The following CACNA2D3 variants were observed in gnomAD, a reference collection of about 807,000 sequenced individuals.
CACNA2D3 encodes the protein calcium voltage-gated channel auxiliary subunit alpha2delta 3, also known as voltage-dependent calcium channel subunit alpha-2/delta-3.
CACNA2D3 carries 60 observed loss-of-function variants against 160.6 expected under a neutral mutation model. That is an observed-to-expected ratio of 0.37 (90% CI 0.30 to 0.46). The LOEUF is 0.46. Among genes scored for constraint, CACNA2D3 ranks in the 20% least tolerant of loss-of-function variants. CACNA2D3 has a pLI of 1.00. For synonymous variants in CACNA2D3, 558 were observed against 492.9 expected (o/e 1.13, Z -1.75); for missense variants, 1,205 against 1,365.0 (o/e 0.88, Z 1.85).
intron 13 of CACNA2D3, among the ~76,000 whole-genome samples, chr3:54,801,979 T>C (rs113206765): frequency 2.0e-5 from 3 of 152,340 alleles, no homozygotes; most frequent in East Asian, 1.9e-4. Flanking sequence ...CTTACTGATA[T>C]GCAGCAAAAA....
intron 4 of CACNA2D3, among the ~76,000 whole-genome samples, chr3:54,499,552 A>T (rs1170748618): frequency 6.6e-6 from 1 of 152,044 alleles, no homozygotes; most frequent in Admixed American, 6.6e-5. Context: ...TCAGTGCTAT[A>T]AATTTCCTTG....
At chr3:54,791,581 T>C (rs1488748816) in intron 13 of CACNA2D3, among the ~76,000 whole-genome samples, 1 of 152,214 alleles carries the variant, frequency 6.6e-6, no homozygotes, top group African/African-American at 2.4e-5. Context: ...TTTCTGTAAA[T>C]AGTTTATGCT....
chr3:54,996,796 G>A (rs1364093632), intron 31 of CACNA2D3, among the ~76,000 whole-genome samples: 4 of 151,922 alleles, frequency 2.6e-5, no homozygotes, highest in Admixed American at 2.6e-4. Context: ...TGATAGACTA[G>A]ATAAAGAAAA....
chr3:54,179,878 A>T (rs1219918521), intron 2 of CACNA2D3, among the ~76,000 whole-genome samples: 1 of 152,174 alleles, frequency 6.6e-6, no homozygotes, highest in African/African-American at 2.4e-5. Context: ...GTCTGTTTTT[A>T]AGCCACCTAA....
At chr3:55,044,527 A>T (rs993135130) in intron 35 of CACNA2D3, among the ~76,000 whole-genome samples, 1 of 152,102 alleles carries the variant, frequency 6.6e-6, no homozygotes, top group East Asian at 1.9e-4. Flanking sequence ...TAGACAGATT[A>T]TATCGTATGT....
At chr3:54,591,049 G>A (rs1702849570) in intron 9 of CACNA2D3, among the ~76,000 whole-genome samples, 1 of 152,164 alleles carries the variant, frequency 6.6e-6, no homozygotes, top group Admixed American at 6.5e-5. Flanking sequence ...ATAATGCTGA[G>A]CTTCATTGCT....
chr3:54,736,068 T>C (rs1416271974), intron 11 of CACNA2D3, among the ~76,000 whole-genome samples: 2 of 28,980 alleles, frequency 6.9e-5, no homozygotes, highest in Non-Finnish European at 1.1e-4. Context: ...TATGTATATA[T>C]ATATACATAT....
chr3:54,492,985 A>G (rs935882839), intron 4 of CACNA2D3, among the ~76,000 whole-genome samples: 4 of 151,582 alleles, frequency 2.6e-5, no homozygotes, highest in African/African-American at 7.3e-5. Flanking sequence ...ATAATGTACA[A>G]ATGTTAAGAC....
intron 13 of CACNA2D3, among the ~76,000 whole-genome samples, chr3:54,806,613 G>A (rs1031419912): frequency 2.6e-5 from 4 of 152,108 alleles, no homozygotes; most frequent in African/African-American, 4.8e-5. Flanking sequence ...AATATCGTGA[G>A]AATGGCCATG....
intron 10 of CACNA2D3, among the ~76,000 whole-genome samples, chr3:54,633,952 C>T (rs555459094): frequency 6.6e-6 from 1 of 152,172 alleles, no homozygotes; most frequent in Admixed American, 6.5e-5. Context: ...GTACCCCGTG[C>T]GTGATTCGAG....
chr3:54,669,912 GT>G (rs1700128224), intron 11 of CACNA2D3, among the ~76,000 whole-genome samples: 1 of 152,088 alleles, frequency 6.6e-6, no homozygotes, highest in Non-Finnish European at 1.5e-5. Flanking sequence ...GCCTCCCAAA[GT>G]GCTGGGATGA....
chr3:55,056,655 A>G (rs1704368452), intron 35 of CACNA2D3, among the ~76,000 whole-genome samples: 1 of 152,186 alleles, frequency 6.6e-6, no homozygotes, highest in Non-Finnish European at 1.5e-5. Flanking sequence ...CATTTGCAAC[A>G]TCATGGATGG....
chr3:54,537,987 G>A (rs1466314910), intron 5 of CACNA2D3, among the ~76,000 whole-genome samples: 1 of 152,142 alleles, frequency 6.6e-6, no homozygotes, highest in Non-Finnish European at 1.5e-5. Flanking sequence ...CCCTGGCTGT[G>A]TGCTCTTCAT....
At chr3:54,354,093 C>G (rs1001485445) in intron 3 of CACNA2D3, among the ~76,000 whole-genome samples, 1 of 152,166 alleles carries the variant, frequency 6.6e-6, no homozygotes, top group Non-Finnish European at 1.5e-5. Context: ...AAGGTCCTTT[C>G]AACTTCTCAC....
At position 55,051,365 on chromosome 3, in the gene CACNA2D3, G is replaced by T. The variant is rs1704206606; in HGVS notation, c.2988-22080G>T. On this transcript the variant is annotated intron_variant, in intron 35 of 37. Transcript: ENST00000474759. ...CAGGTCTGTTGGAATACCCTACCGTGTGAGGTGTCAGTGTGCCCCTGCTGG... is the reference window on the plus strand; with the variant it reads ...CAGGTCTGTTGGAATACCCTACCGTTTGAGGTGTCAGTGTGCCCCTGCTGG... Among the ~76,000 whole-genome samples, 3 of 147,940 alleles carry T rather than the reference G, an allele frequency of 2.0e-5. No individual in the cohort carries two copies. In the South Asian group the frequency reaches 6.3e-4, roughly 31 times the overall value.
At chr3:54,974,060 A>C (rs1428692331) in intron 29 of CACNA2D3, among the ~76,000 whole-genome samples, 3 of 152,178 alleles carry the variant, frequency 2.0e-5, no homozygotes, top group Non-Finnish European at 4.4e-5. Flanking sequence ...TTCTCCAATC[A>C]AACAAAAGGC....
intron 6 of CACNA2D3, among the ~76,000 whole-genome samples, chr3:54,563,853 C>G (rs886179596): frequency 2.0e-5 from 3 of 152,168 alleles, no homozygotes; most frequent in Non-Finnish European, 2.9e-5. Context: ...CTGTTTGCCC[C>G]GCGCACAGCA....
At chr3:54,993,371 TC>T (rs1212187739) in intron 31 of CACNA2D3, among the ~76,000 whole-genome samples, 1 of 152,124 alleles carries the variant, frequency 6.6e-6, no homozygotes, top group African/African-American at 2.4e-5. Flanking sequence ...CCAATTCCTC[TC>T]CTCCCTTCCC....
chr3:54,736,100 C>T lies in CACNA2D3; in HGVS notation c.1168-16499C>T, dbSNP rs62254473. 9.2e-4 allele frequency among the ~76,000 whole-genome samples: 44 copies of T among 47,846 alleles called. 1 individual carries two copies. The highest frequency in any genetic ancestry group is 3.4e-3 in the African/African-American group (35 of 10,276). The allele number at this position is 47,846 out of a possible 152,430, so 31.4% of individuals were successfully genotyped here. On this transcript the variant is annotated intron_variant, in intron 11 of 37. Transcript: ENST00000474759. ...ATATATATGTATGTGTATATATATA[C>T]ATATATATGTATATATATACATATA... is the stretch of plus-strand genomic sequence containing the variant.
Sources: allele counts gnomAD v4.1 joint callset (sites outside exome capture counted in the v4.1 genomes callset), GRCh38; gene constraint gnomAD v4.1.1; transcripts MANE v1.5; gene names NCBI Gene and HGNC (gene_info 2026-07-23, HGNC 2026-07-21).